Variants in HEBP2 observed in about 807,000 individuals in gnomAD.
HEBP2 encodes heme binding protein 2.
In HEBP2, 27 loss-of-function variants were observed where a neutral mutation model predicts 23.1. The ratio of observed to expected loss-of-function variants is 1.17; its 90% CI spans 0.86 to 1.61. HEBP2 has a LOEUF of 1.61. HEBP2 is among the 40% of genes most tolerant of loss of function. HEBP2 has a pLI of 0.00. For missense variants in HEBP2, 245 were observed against 253.8 expected (o/e 0.97, Z 0.24); for synonymous variants, 99 against 95.1 (o/e 1.04, Z -0.24).
rs1774892470 is a variant in HEBP2 at position 138,419,859 on chromosome 6, C to G, written c.*6781C>G. The G allele has an allele frequency of 6.6e-6, 1 of 152,148 alleles. No homozygotes were observed. The highest frequency in any genetic ancestry group is 2.4e-5 in the African/African-American group (1 of 41,424). 9.4% of individuals were successfully genotyped at this position (152,148 alleles called of 1,614,324 possible). On this transcript the variant is annotated 3_prime_UTR_variant, in exon 4 of 4. Transcript: ENST00000607197. ...GTCCTAGTTCTCAGAGACTGTATAC[C>G]TTCTCTAGGCAATATTGCAAGAATC...
intron 3 of HEBP2, chr6:138,412,310 T>G: frequency 3.9e-6 from 1 of 256,778 alleles, no homozygotes; most frequent in Non-Finnish European, 7.7e-6. Context: ...GCACTTGAGA[T>G]TGTGTAGGTT....
intron 3 of HEBP2, among the ~76,000 whole-genome samples, chr6:138,407,467 G>C (rs570300884): frequency 5.3e-5 from 8 of 152,254 alleles, no homozygotes; most frequent in Admixed American, 6.5e-5. Context: ...CACTTGTGAA[G>C]CTCTGCTGAA....
chr6:138,406,023 A>G lies in HEBP2; in HGVS notation c.291A>G (p.Ser97=). Residue 97 remains serine (S), a synonymous_variant, in exon 3 of 4, where the codon TCA becomes TCG. Transcript: ENST00000607197. ...APVTSYVEPG[S]GPFSESTITI... is the part of the protein sequence containing the mutation. Reference sequence around the variant, plus strand: ...TGACAAGCTACGTGGAGCCTGGTTCAGGTCCTTTTAGTGAGTCTACCATTA... The same window carrying G: ...TGACAAGCTACGTGGAGCCTGGTTCGGGTCCTTTTAGTGAGTCTACCATTA... The G allele has an allele frequency of 6.2e-7, 1 of 1,614,130 alleles. No homozygotes were observed. Among genetic ancestry groups the G allele is most frequent in the East Asian group, 2.2e-5 (1 of 44,888 alleles).
chr6:138,404,671 T>C (rs971417513), intron 1 of HEBP2, 74 bp downstream of exon 1: 6 of 949,400 alleles, frequency 6.3e-6, no homozygotes, highest in African/African-American at 1.7e-5. Flanking sequence ...GCGGGTCCCA[T>C]AGAGTTAAGT....
At chr6:138,407,429 C>G (rs1227883536) in intron 3 of HEBP2, among the ~76,000 whole-genome samples, 1 of 152,258 alleles carries the variant, frequency 6.6e-6, no homozygotes, top group African/African-American at 2.4e-5. Flanking sequence ...CAAAGCTCTT[C>G]CCTCTGGGCC....
At chr6:138,412,206 A>C in intron 3 of HEBP2, 1 of 359,664 alleles carries the variant, frequency 2.8e-6, no homozygotes, top group Non-Finnish European at 5.4e-6. Flanking sequence ...GAGGAAATAC[A>C]CTCTCAGGCC....
chr6:138,405,386 C>A, intron 2 of HEBP2, 106 bp downstream of exon 2: 1 of 1,393,484 alleles, frequency 7.2e-7, no homozygotes, highest in Non-Finnish European at 9.8e-7. Context: ...GAAAAATAAG[C>A]AAGTCATCAA....
chr6:138,413,414 C>G lies in HEBP2; in HGVS notation c.*336C>G, dbSNP rs1197807747. Reference sequence around the variant, plus strand: ...GATTTGTGTCAGTTGGATGATATCCCCTCCAGATAGTATCAATAAAATGTT... The same window carrying G: ...GATTTGTGTCAGTTGGATGATATCCGCTCCAGATAGTATCAATAAAATGTT... On this transcript the variant is annotated 3_prime_UTR_variant, in exon 4 of 4. Transcript: ENST00000607197. 9.7e-6 allele frequency: 2 copies of G among 205,534 alleles called. No homozygotes were observed. Among genetic ancestry groups the G allele is most frequent in the Non-Finnish European group, 2.0e-5 (2 of 101,442 alleles). The allele number at this position is 205,534 out of a possible 1,614,324, so 12.7% of individuals were successfully genotyped here. A position where few individuals can be genotyped will look rare whatever the true frequency, so the allele number is the denominator to read the frequency against.
chr6:138,404,616 G>T lies in HEBP2; in HGVS notation c.102+19G>T. 7.9e-7 allele frequency: 1 copy of T among 1,259,986 alleles called. No individual in the cohort carries two copies. The allele number at this position is 1,259,986 out of a possible 1,614,324, so 78.1% of individuals were successfully genotyped here. On this transcript the variant is annotated intron_variant, in intron 1 of 3. Coordinates refer to ENST00000607197, the MANE Select transcript of HEBP2 (RefSeq NM_014320.3). ...CCCCCAGGTAGGCGCCGACTCGGGA[G>T]CGGAGGGGCTGGGCCCGCCTTCCGG...
In HEBP2 at chr6:138,406,948, T is replaced by C. The variant is rs1176084372; in HGVS notation, c.419+797T>C. Among the ~76,000 whole-genome samples the C allele has an allele frequency of 1.3e-5, 2 of 152,066 alleles. 1 individual carries two copies. The highest frequency in any genetic ancestry group is 2.9e-5 in the Non-Finnish European group (2 of 68,018). Reference sequence around the variant, plus strand: ...TGGGAGGCTGAGGTAGGAGGATCACTTGGGCCCAGGAGGTCGAGGCTGCAG... The same window carrying C: ...TGGGAGGCTGAGGTAGGAGGATCACCTGGGCCCAGGAGGTCGAGGCTGCAG... On this transcript the variant is annotated intron_variant, in intron 3 of 3. Coordinates refer to ENST00000607197, the MANE Select transcript of HEBP2 (RefSeq NM_014320.3).
chr6:138,412,889 T>C lies in HEBP2; in HGVS notation c.429T>C (p.Asp143=). The change falls in exon 4 of 4, where the codon GAT becomes GAC. Residue 143 remains aspartate, a synonymous_variant. Transcript: ENST00000607197. ...CCTTTCTCCTTTGTAGGTCTTTCGA[T>C]GGATTTTCTAGTGCCCAAAAGAATC... The part of the protein sequence containing the change: ...AEMTVFVRSF[D]GFSSAQKNQE... 1 of 1,613,398 alleles carries C rather than the reference T, an allele frequency of 6.2e-7. No individual in the cohort carries two copies. The highest frequency in any genetic ancestry group is 8.5e-7 in the Non-Finnish European group (1 of 1,179,406).
In HEBP2 at chr6:138,413,962, A is replaced by T. The variant is rs1774797782; in HGVS notation, c.*884A>T. 6.6e-6 allele frequency: 1 copy of T among 152,316 alleles called. No individual in the cohort carries two copies. The highest frequency in any genetic ancestry group is 1.5e-5 in the Non-Finnish European group (1 of 68,108). 9.4% of individuals were successfully genotyped at this position (152,316 alleles called of 1,614,324 possible). Reference sequence around the variant, plus strand: ...ATTCTAGAGGGTGAGGGAGTTCAACACAAATAAGATGCTTGAAATTGGCAA... The same window carrying T: ...ATTCTAGAGGGTGAGGGAGTTCAACTCAAATAAGATGCTTGAAATTGGCAA... On this transcript the variant is annotated 3_prime_UTR_variant, in exon 4 of 4. Transcript: ENST00000607197.
Position 138,413,185 on chromosome 6 carries a change from C to G in HEBP2, c.*107C>G. 1 of 804,878 alleles carries G rather than the reference C, an allele frequency of 1.2e-6. No individual in the cohort carries two copies. The highest frequency in any genetic ancestry group is 2.0e-6 in the Non-Finnish European group (1 of 496,552). The allele number at this position is 804,878 out of a possible 1,614,324, so 49.9% of individuals were successfully genotyped here. A position where few individuals can be genotyped will look rare whatever the true frequency, so the allele number is the denominator to read the frequency against. On this transcript the variant is annotated 3_prime_UTR_variant, in exon 4 of 4. Transcript: ENST00000607197. The stretch of plus-strand genomic sequence containing the variant: ...TGTCTAGTGTCTTCTATTGAGAGTA[C>G]TACTATTAATTAAGCTTATTTCCAA...
chr6:138,411,873 C>T (rs1430722928), intron 3 of HEBP2, among the ~76,000 whole-genome samples: 2 of 152,052 alleles, frequency 1.3e-5, no homozygotes, highest in African/African-American at 4.8e-5. Flanking sequence ...ACTGCTTGAG[C>T]CCAGGAGGTC....
chr6:138,409,602 G>A (rs973631720), intron 3 of HEBP2, among the ~76,000 whole-genome samples: 13 of 152,306 alleles, frequency 8.5e-5, no homozygotes, highest in South Asian at 2.1e-4. Flanking sequence ...CCTGCAAGCC[G>A]TCTTCCCTGC....
chr6:138,416,488 T>C lies in HEBP2; in HGVS notation c.*3410T>C, dbSNP rs575770198. On this transcript the variant is annotated 3_prime_UTR_variant, in exon 4 of 4. Transcript: ENST00000607197. ...GCTGGGAATGCACTGATAAGCGGGC[T>C]TGGGCATCATAAAGGAGCTCAGCGG... is the stretch of plus-strand genomic sequence containing the variant. The C allele has an allele frequency of 6.6e-6, 1 of 152,476 alleles. No individual in the cohort carries two copies. The highest frequency in any genetic ancestry group is 2.4e-5 in the African/African-American group (1 of 41,588). The allele number at this position is 152,476 out of a possible 1,614,324, so 9.4% of individuals were successfully genotyped here.
chr6:138,405,111 A>G, intron 1 of HEBP2, 34 bp from the exon 2 acceptor site: 1 of 1,604,542 alleles, frequency 6.2e-7, no homozygotes, highest in South Asian at 1.1e-5. Flanking sequence ...CCCTCTTAGA[A>G]TTGCTTCTCG....
chr6:138,412,098 G>T, intron 3 of HEBP2: 1 of 447,204 alleles, frequency 2.2e-6, no homozygotes, highest in Non-Finnish European at 4.5e-6. Flanking sequence ...GGAAAAAGGG[G>T]CAATGTGCAA....
intron 3 of HEBP2, among the ~76,000 whole-genome samples, chr6:138,410,954 T>C (rs79414798): frequency 0.022 from 3,302 of 152,362 alleles, 52 homozygotes; most frequent in South Asian, 0.037. Flanking sequence ...GGAATGGTTC[T>C]GGGTGCTGGG....
Sources: allele counts gnomAD v4.1 joint callset (sites outside exome capture counted in the v4.1 genomes callset), GRCh38; gene constraint gnomAD v4.1.1; transcripts MANE v1.5; gene names NCBI Gene and HGNC (gene_info 2026-07-23, HGNC 2026-07-21).